MMP20: variants seen among roughly 807,000 people sequenced by gnomAD.
MMP20 encodes matrix metalloproteinase-20.
MMP20 carries 50 observed loss-of-function variants against 51.8 expected under a neutral mutation model. The ratio of observed to expected loss-of-function variants is 0.97; its 90% CI spans 0.77 to 1.22. MMP20 has a LOEUF of 1.22. Among genes scored for constraint, MMP20 ranks in the 50% most tolerant of loss-of-function variants. MMP20 has a pLI of 0.00. For synonymous variants in MMP20, 244 were observed against 216.2 expected (o/e 1.13, Z -1.13); for missense variants, 663 against 601.4 (o/e 1.10, Z -1.07).
rs114068693 is a variant in MMP20 at position 102,596,741 on chromosome 11, A to G, written c.954-1984T>C. 6.5e-3 allele frequency among the ~76,000 whole-genome samples: 992 copies of G among 152,304 alleles called. 11 individuals carry two copies. The highest frequency in any genetic ancestry group is 0.022 in the African/African-American group (928 of 41,570). On this transcript the variant is annotated intron_variant, in intron 6 of 9. Coordinates refer to ENST00000260228, the MANE Select transcript of MMP20 (RefSeq NM_004771.4). ...CTCTAGCTGCCTTGAGGTTAGTCAC[A>G]TGTCCGATCTCACCTACTTGCTCAT...
At chr11:102,609,802 C>G (rs528781512) in intron 4 of MMP20, 103 bp downstream of exon 4, 7 of 1,539,098 alleles carry the variant, frequency 4.5e-6, no homozygotes, top group South Asian at 4.5e-5. Flanking sequence ...AGCCAGCCCC[C>G]CTAGTTAAAG....
At chr11:102,608,867 C>T (rs1859554207) in intron 5 of MMP20, 70 bp downstream of exon 5, 11 of 1,516,986 alleles carry the variant, frequency 7.3e-6, no homozygotes, top group Non-Finnish European at 9.1e-6. Context: ...ATAAAATGCA[C>T]TTTCTTTAAT....
intron 9 of MMP20, among the ~76,000 whole-genome samples, chr11:102,577,876 C>T (rs531804267): frequency 1.3e-5 from 2 of 152,312 alleles, no homozygotes; most frequent in Admixed American, 6.5e-5. Flanking sequence ...CATGACTCAA[C>T]ACTAAATTAT....
chr11:102,592,968 G>C (rs1859334814), intron 8 of MMP20, among the ~76,000 whole-genome samples: 1 of 152,176 alleles, frequency 6.6e-6, no homozygotes, highest in African/African-American at 2.4e-5. Flanking sequence ...TTCTAGGCTG[G>C]ATAAAAGGAC....
Position 102,593,632 on chromosome 11 carries a change from C to T in MMP20, c.1091-37G>A, listed in dbSNP as rs1289585093. 2.5e-6 allele frequency: 4 copies of T among 1,607,916 alleles called. No homozygotes were observed. The African/African-American group carries it at 4.0e-5, about 16-fold the overall frequency. ...AATTAAAGTTTACGAAAACTCTGCA[C>T]CACTTGGTGATGCACTTCTCTCATA... On this transcript the variant is annotated intron_variant, in intron 7 of 9. Transcript: ENST00000260228.
chr11:102,577,305 G>T lies in MMP20; in HGVS notation c.*21C>A. 1 of 1,530,236 alleles carries T rather than the reference G, an allele frequency of 6.5e-7. No homozygotes were observed. Among genetic ancestry groups the T allele is most frequent in the South Asian group, 1.1e-5 (1 of 89,286 alleles). The allele number at this position is 1,530,236 out of a possible 1,614,324, so 94.8% of individuals were successfully genotyped here. A position where few individuals can be genotyped will look rare whatever the true frequency, so the allele number is the denominator to read the frequency against. On this transcript the variant is annotated 3_prime_UTR_variant, in exon 10 of 10. Coordinates refer to ENST00000260228, the MANE Select transcript of MMP20 (RefSeq NM_004771.4). ...CTGCTTGTAGTCATCCTCATTGCTT[G>T]AGAAGACTAGGCTTTTCTATTTAGC...
chr11:102,609,200 A>G (rs1031793659), intron 4 of MMP20, 102 bp from the exon 5 acceptor site: 2 of 1,038,262 alleles, frequency 1.9e-6, no homozygotes, highest in South Asian at 1.4e-5. Flanking sequence ...CAGTTAACCC[A>G]TCTCCTTCTC....
At chr11:102,612,738 C>CTTTTT (rs35861660) in intron 2 of MMP20, among the ~76,000 whole-genome samples, 3 of 127,198 alleles carry the variant, frequency 2.4e-5, no homozygotes, top group African/African-American at 5.9e-5. Context: ...TCTTTTCTTT[C>CTTTTT]TTTTTTTTTT....
At chr11:102,601,742 G>A (rs1405568640) in intron 6 of MMP20, among the ~76,000 whole-genome samples, 1 of 152,068 alleles carries the variant, frequency 6.6e-6, no homozygotes, top group Admixed American at 6.5e-5. Context: ...CAAATCCTCT[G>A]AATTTTTCTA....
rs1859164264 is a variant in MMP20, at chr11:102,579,161, C to T, written c.1248-19G>A. On this transcript the variant is annotated intron_variant, in intron 8 of 9. Coordinates refer to ENST00000260228, the MANE Select transcript of MMP20 (RefSeq NM_004771.4). Reference sequence around the variant, plus strand: ...GTCGTAGCTAGAAAAAGTATTATTTCATAAATAATATTACTAAGAGGTTTT... The same window carrying T: ...GTCGTAGCTAGAAAAAGTATTATTTTATAAATAATATTACTAAGAGGTTTT... The T allele has an allele frequency of 6.6e-7, 1 of 1,524,780 alleles. No individual in the cohort carries two copies. Among genetic ancestry groups the T allele is most frequent in the Non-Finnish European group, 9.1e-7 (1 of 1,100,190 alleles). The allele number at this position is 1,524,780 out of a possible 1,614,324, so 94.5% of individuals were successfully genotyped here. A position where few individuals can be genotyped will look rare whatever the true frequency, so the allele number is the denominator to read the frequency against.
At chr11:102,597,929 G>A (rs533374633) in intron 6 of MMP20, among the ~76,000 whole-genome samples, 61 of 152,016 alleles carry the variant, frequency 4.0e-4, no homozygotes, top group East Asian at 3.3e-3. Flanking sequence ...CACCACTCCC[G>A]GCTAATTTTG....
intron 9 of MMP20, among the ~76,000 whole-genome samples, chr11:102,577,727 C>T (rs1360753250): frequency 6.6e-6 from 1 of 152,200 alleles, no homozygotes; most frequent in East Asian, 1.9e-4. Flanking sequence ...GAAGCCACTC[C>T]CCTTTTCTTT....
rs75672313 is a variant in MMP20, at chr11:102,598,978, T to C, written c.954-4221A>G. 1.2e-3 allele frequency among the ~76,000 whole-genome samples: 177 copies of C among 151,920 alleles called. 1 individual carries two copies. The East Asian group carries it at 0.031, about 27-fold the overall frequency. On this transcript the variant is annotated intron_variant, in intron 6 of 9. Transcript: ENST00000260228. ...TAGATTCTGATCTCTGTCATCTTCTTTCCTATTTGTGGGAAGGGGTGTCTT... is the reference window on the plus strand; with the variant it reads ...TAGATTCTGATCTCTGTCATCTTCTCTCCTATTTGTGGGAAGGGGTGTCTT...
chr11:102,612,166 A>C (rs998785762), intron 2 of MMP20, among the ~76,000 whole-genome samples: 1 of 152,212 alleles, frequency 6.6e-6, no homozygotes, highest in East Asian at 1.9e-4. Flanking sequence ...CCACCGACTT[A>C]AAAGAATAAA....
At chr11:102,578,792 C>CAGAA (rs1859158121) in intron 9 of MMP20, among the ~76,000 whole-genome samples, 3 of 136,462 alleles carry the variant, frequency 2.2e-5, no homozygotes, top group Non-Finnish European at 3.2e-5. Context: ...CACACACACA[C>CAGAA]AAAAACAAAA....
intron 6 of MMP20, chr11:102,605,346 TC>T (rs1384066153): frequency 5.3e-5 from 8 of 152,158 alleles, no homozygotes; most frequent in African/African-American, 1.9e-4. Context: ...TTATAGCAGC[TC>T]CTGCAGACTG....
At chr11:102,600,042 T>C (rs554314933) in intron 6 of MMP20, among the ~76,000 whole-genome samples, 2 of 152,256 alleles carry the variant, frequency 1.3e-5, no homozygotes, top group Admixed American at 6.5e-5. Flanking sequence ...TGACAATGAG[T>C]CAGGGATGTT....
chr11:102,614,190 G>A (rs1389971004), intron 2 of MMP20, among the ~76,000 whole-genome samples: 1 of 152,182 alleles, frequency 6.6e-6, no homozygotes. Flanking sequence ...TTTGAGCCCA[G>A]TTCTGTCTGA....
chr11:102,591,832 C>G (rs905476962), intron 8 of MMP20, among the ~76,000 whole-genome samples: 1 of 152,162 alleles, frequency 6.6e-6, no homozygotes, highest in African/African-American at 2.4e-5. Flanking sequence ...GAACCTCTGC[C>G]CACATCTCTT....
Sources: allele counts gnomAD v4.1 joint callset (sites outside exome capture counted in the v4.1 genomes callset), GRCh38; gene constraint gnomAD v4.1.1; transcripts MANE v1.5; gene names NCBI Gene and HGNC (gene_info 2026-07-23, HGNC 2026-07-21).